Variants in KIAA1217 observed in about 807,000 individuals in gnomAD.
The protein encoded by KIAA1217 is sickle tail protein homolog.
A neutral mutation model predicts 163.9 loss-of-function variants in KIAA1217; 88 were observed. The observed-to-expected ratio is 0.54, with a 90% CI of 0.45 to 0.64. The LOEUF (loss-of-function observed/expected upper bound fraction) is 0.64. Among genes scored for constraint, KIAA1217 ranks in the 30% least tolerant of loss-of-function variants. The pLI is 0.00. For missense variants in KIAA1217, 2,372 were observed against 2,475.0 expected (o/e 0.96, Z 0.88); for synonymous variants, 903 against 923.1 (o/e 0.98, Z 0.39).
At chr10:24,239,569 T>C (rs2072774575) in intron 2 of KIAA1217, among the ~76,000 whole-genome samples, 1 of 151,514 alleles carries the variant, frequency 6.6e-6, no homozygotes, top group African/African-American at 2.4e-5. Flanking sequence ...TTGTGCGTTC[T>C]GCTGATTGTG....
chr10:24,275,324 G>T (rs2077163155), intron 2 of KIAA1217, among the ~76,000 whole-genome samples: 1 of 152,072 alleles, frequency 6.6e-6, no homozygotes, highest in Non-Finnish European at 1.5e-5. Flanking sequence ...ACACATACAC[G>T]CATGCAGGTG....
At chr10:24,009,238 G>A (rs1564607625) in intron 2 of KIAA1217, among the ~76,000 whole-genome samples, 2 of 152,286 alleles carry the variant, frequency 1.3e-5, no homozygotes, top group East Asian at 1.9e-4. Context: ...GAGGAAAGAG[G>A]AAGTAAAGGA....
intron 10 of KIAA1217, among the ~76,000 whole-genome samples, chr10:24,514,127 C>T (rs75105551): frequency 0.016 from 2,445 of 152,222 alleles, 68 homozygotes; most frequent in African/African-American, 0.055. Context: ...ATTACTCCCC[C>T]GTCACCAGGC....
intron 3 of KIAA1217, among the ~76,000 whole-genome samples, chr10:24,405,502 A>G (rs952211603): frequency 3.9e-5 from 6 of 152,224 alleles, no homozygotes; most frequent in Non-Finnish European, 7.3e-5. Flanking sequence ...ATAAAAGACC[A>G]GAGAGAGTGA....
intron 2 of KIAA1217, chr10:24,158,088 G>A: frequency 1.3e-6 from 1 of 755,650 alleles, no homozygotes; most frequent in East Asian, 2.5e-5. Context: ...GATAAAAGTG[G>A]CGCTCCACAA....
At chr10:24,213,784 C>A (rs965399333) in intron 1 of KIAA1217, among the ~76,000 whole-genome samples, 1 of 151,986 alleles carries the variant, frequency 6.6e-6, no homozygotes, top group Non-Finnish European at 1.5e-5. Context: ...ACCAGAAATC[C>A]TCTTCATCAC....
At chr10:23,766,402 A>G (rs865962053) in intron 1 of KIAA1217, among the ~76,000 whole-genome samples, 3 of 152,214 alleles carry the variant, frequency 2.0e-5, no homozygotes, top group South Asian at 2.1e-4. Flanking sequence ...ACAGCAAAGA[A>G]CAATAATTTA....
chr10:24,061,839 A>T (rs1297976071), intron 2 of KIAA1217, among the ~76,000 whole-genome samples: 1 of 152,070 alleles, frequency 6.6e-6, no homozygotes, highest in Non-Finnish European at 1.5e-5. Flanking sequence ...TGACCATTTG[A>T]TTATAACGTG....
At chr10:23,774,476 G>A (rs1834927101) in intron 1 of KIAA1217, among the ~76,000 whole-genome samples, 1 of 152,190 alleles carries the variant, frequency 6.6e-6, no homozygotes, top group South Asian at 2.1e-4. Flanking sequence ...TGACCCAGGG[G>A]CTTGGCGCCC....
chr10:24,045,978 A>G (rs1031739326), intron 2 of KIAA1217, among the ~76,000 whole-genome samples: 17 of 152,144 alleles, frequency 1.1e-4, no homozygotes, highest in Middle Eastern at 3.2e-3. Context: ...ATGTGTTGAT[A>G]TATGTCAATA....
At chr10:24,190,091 G>A (rs1366372797) in intron 2 of KIAA1217, among the ~76,000 whole-genome samples, 2 of 151,856 alleles carry the variant, frequency 1.3e-5, no homozygotes, top group Non-Finnish European at 2.9e-5. Context: ...ATAAACTGAG[G>A]GGGAGCTTAG....
chr10:24,048,103 G>A (rs1312790530), intron 2 of KIAA1217, among the ~76,000 whole-genome samples: 1 of 152,174 alleles, frequency 6.6e-6, no homozygotes, highest in African/African-American at 2.4e-5. Flanking sequence ...AAGATCAGAG[G>A]TCAAGGGTAC....
intron 1 of KIAA1217, among the ~76,000 whole-genome samples, chr10:23,797,953 A>G (rs1441544871): frequency 6.6e-6 from 1 of 152,192 alleles, no homozygotes; most frequent in Non-Finnish European, 1.5e-5. Flanking sequence ...GGAACAATAG[A>G]TTGTAAGATC....
chr10:24,432,210 C>T (rs1425390619), intron 3 of KIAA1217, among the ~76,000 whole-genome samples: 2 of 149,562 alleles, frequency 1.3e-5, no homozygotes, highest in African/African-American at 5.0e-5. Flanking sequence ...TGCAACCTCC[C>T]AGGTTCAAGC....
chr10:23,791,988 C>G (rs929899088), intron 1 of KIAA1217, among the ~76,000 whole-genome samples: 2 of 152,288 alleles, frequency 1.3e-5, no homozygotes, highest in Admixed American at 6.5e-5. Context: ...GCAATTTGAG[C>G]TACATGCATA....
intron 1 of KIAA1217, among the ~76,000 whole-genome samples, chr10:23,705,844 A>G (rs1836851033): frequency 6.6e-6 from 1 of 152,172 alleles, no homozygotes. Context: ...CTATAGATCA[A>G]TTTGGGAAGT....
chr10:23,973,931 A>G (rs1485508075), intron 1 of KIAA1217, among the ~76,000 whole-genome samples: 2 of 152,364 alleles, frequency 1.3e-5, no homozygotes, highest in East Asian at 3.9e-4. Flanking sequence ...CAATCCTAGA[A>G]TCAGATGTTA....
chr10:24,317,289 A>G (rs2043520765), intron 2 of KIAA1217, among the ~76,000 whole-genome samples: 2 of 151,890 alleles, frequency 1.3e-5, no homozygotes, highest in Non-Finnish European at 2.9e-5. Flanking sequence ...CTTTTTATTT[A>G]TTTATTTATT....
intron 2 of KIAA1217, among the ~76,000 whole-genome samples, chr10:24,049,176 T>C (rs1367606610): frequency 6.6e-6 from 1 of 152,162 alleles, no homozygotes; most frequent in Non-Finnish European, 1.5e-5. Context: ...GAGTCACCTC[T>C]TAAAGTTAAT....
Sources: gnomAD v4.1 joint callset for allele counts (sites outside exome capture counted in the v4.1 genomes callset) on GRCh38, gnomAD v4.1.1 for gene constraint, MANE v1.5 for transcripts, NCBI Gene and HGNC (gene_info 2026-07-23, HGNC 2026-07-21) for gene names.